PPP2R2D: variants seen among roughly 807,000 people sequenced by gnomAD.
The protein encoded by PPP2R2D is serine/threonine-protein phosphatase 2A 55 kDa regulatory subunit B delta isoform.
In PPP2R2D, 9 loss-of-function variants were observed where a neutral mutation model predicts 31.1. That is an observed-to-expected ratio of 0.29 (90% CI 0.17 to 0.51). The LOEUF (loss-of-function observed/expected upper bound fraction) is 0.51, where lower values mean the gene tolerates loss of function less well. Ranked by LOEUF, PPP2R2D falls within the 20% of genes least tolerant of loss-of-function variation. PPP2R2D has a pLI of 0.98. For missense variants in PPP2R2D, 391 were observed against 465.6 expected (o/e 0.84, Z 1.48); for synonymous variants, 179 against 172.6 (o/e 1.04, Z -0.29).
chr10:131,965,745 C>T, the PPP2R2D span, among the ~76,000 whole-genome samples: 1 of 152,148 alleles, frequency 6.6e-6, no homozygotes, highest in Non-Finnish European at 1.5e-5. Context: ...AGCGCCTGGC[C>T]GGGGGCTGTC....
At chr10:131,971,249 C>T in the PPP2R2D span, 1 of 445,914 alleles carries the variant, frequency 2.2e-6, no homozygotes, top group African/African-American at 2.0e-5. Context: ...CTGTGAGATT[C>T]TGGGGGTACT....
chr10:131,953,096 G>A (rs1280874779), intron 8 of PPP2R2D, among the ~76,000 whole-genome samples: 12 of 128,056 alleles, frequency 9.4e-5, no homozygotes, highest in Non-Finnish European at 1.6e-4. Flanking sequence ...CACTGTCTTA[G>A]CAGTGACTTG....
chr10:131,926,309 G>A (rs573687428), intron 2 of PPP2R2D, among the ~76,000 whole-genome samples: 2 of 152,122 alleles, frequency 1.3e-5, no homozygotes, highest in South Asian at 4.2e-4. Context: ...TTTGCCTTTG[G>A]GTGAGCTTCT....
At chr10:131,943,319 T>C (rs561061705) in intron 5 of PPP2R2D, among the ~76,000 whole-genome samples, 3 of 152,264 alleles carry the variant, frequency 2.0e-5, no homozygotes, top group Non-Finnish European at 2.9e-5. Flanking sequence ...CCTTCTACTT[T>C]TTGTTTTAAC....
chr10:131,939,646 A>G (rs2036405638), intron 3 of PPP2R2D: 1 of 155,836 alleles, frequency 6.4e-6, no homozygotes, highest in South Asian at 2.0e-4. Context: ...TGCATTCAGC[A>G]GACCTGCTCC....
the PPP2R2D span, chr10:131,970,824 C>CT: frequency 2.5e-6 from 4 of 1,614,252 alleles, no homozygotes; most frequent in Non-Finnish European, 3.4e-6. The surrounding 1 kb of genome is among the most constrained non-coding windows in gnomAD (Gnocchi z 4.1). Context: ...GATGTGTCCT[C>CT]TGTCAAGGGG....
At chr10:131,967,879 AGG>A in the PPP2R2D span, 1 of 152,290 alleles carries the variant, frequency 6.6e-6, no homozygotes, top group African/African-American at 2.4e-5. Flanking sequence ...CTGATCATCC[AGG>A]GTGATCACCT....
rs200497016 is a variant in PPP2R2D at position 131,918,470 on chromosome 10, GTGTT to G, written c.101-15984_101-15981del. On this transcript the variant is annotated intron_variant, in intron 2 of 8. Coordinates refer to ENST00000455566, the MANE Select transcript of PPP2R2D (RefSeq NM_018461.5). ...GACCTCACACGGGTGGAGTGACACA[GTGTT>G]TGTAGGGACCTCAGGCGGGTGGAAT... Among the ~76,000 whole-genome samples the G allele has an allele frequency of 2.1e-4, 32 of 150,282 alleles. 1 individual carries two copies. The highest frequency in any genetic ancestry group is 3.2e-4 in the African/African-American group (13 of 40,800).
chr10:131,912,241 G>C (rs1171754114), intron 2 of PPP2R2D: 1 of 152,124 alleles, frequency 6.6e-6, no homozygotes, highest in Non-Finnish European at 1.5e-5. Flanking sequence ...ACCCAGGCTG[G>C]AGTGCAGTGG....
At chr10:131,932,154 A>G (rs1229547455) in intron 2 of PPP2R2D, among the ~76,000 whole-genome samples, 1 of 152,060 alleles carries the variant, frequency 6.6e-6, no homozygotes, top group African/African-American at 2.4e-5. Context: ...TGCGGATTTG[A>G]TGGGACCCGG....
chr10:131,919,337 G>A lies in PPP2R2D; in HGVS notation c.101-15121G>A, dbSNP rs1166569105. 3.4e-5 allele frequency among the ~76,000 whole-genome samples: 4 copies of A among 117,118 alleles called. 1 individual carries two copies. The highest frequency in any genetic ancestry group is 1.0e-4 in the African/African-American group (3 of 29,548). The allele number at this position is 117,118 out of a possible 152,430, so 76.8% of individuals were successfully genotyped here. Reference sequence around the variant, plus strand: ...CACAGTCTTTGTAGGGACCTCAGGCGGGTGGAATGACAGTGTAGGGACCTC... The same window carrying A: ...CACAGTCTTTGTAGGGACCTCAGGCAGGTGGAATGACAGTGTAGGGACCTC... On this transcript the variant is annotated intron_variant, in intron 2 of 8. Transcript: ENST00000455566.
intron 2 of PPP2R2D, among the ~76,000 whole-genome samples, chr10:131,913,035 T>C (rs1287738151): frequency 6.6e-6 from 1 of 152,206 alleles, no homozygotes; most frequent in Non-Finnish European, 1.5e-5. Context: ...GTGTGTTTGT[T>C]TTTTTGAGAT....
In PPP2R2D at chr10:131,944,081, A is replaced by G. The variant is rs781934478; in HGVS notation, c.591A>G (p.Thr197=). 3 of 1,611,564 alleles carry G rather than the reference A, an allele frequency of 1.9e-6. No individual in the cohort carries two copies. Among genetic ancestry groups the G allele is most frequent in the South Asian group, 1.1e-5 (1 of 90,802 alleles). ...TTTCAGTAAATAGTGATCATGAAAC[A>G]TATCTTTCTGCAGATGACCTGAGAA... ...NSISVNSDHE[T]YLSADDLRIN... The change falls in exon 6 of 9, where the codon ACA becomes ACG. Residue 197 remains threonine, a synonymous_variant. Transcript: ENST00000455566.
At chr10:131,924,675 A>G (rs2036065844) in intron 2 of PPP2R2D, among the ~76,000 whole-genome samples, 1 of 151,634 alleles carries the variant, frequency 6.6e-6, no homozygotes, top group African/African-American at 2.4e-5. Flanking sequence ...ATGATTCTAG[A>G]ATTAGTTTGG....
chr10:131,953,298 C>T (rs1554899331), intron 8 of PPP2R2D, among the ~76,000 whole-genome samples: 18 of 106,340 alleles, frequency 1.7e-4, no homozygotes, highest in Admixed American at 3.7e-4. Context: ...CGGGGGTTCA[C>T]TGTCTTAGTG....
intron 2 of PPP2R2D, among the ~76,000 whole-genome samples, chr10:131,903,103 A>G (rs1289317707): frequency 6.6e-6 from 1 of 152,210 alleles, no homozygotes; most frequent in African/African-American, 2.4e-5. Context: ...ATGAATTAAA[A>G]TTTAAGTATA....
chr10:131,956,438 A>T lies in PPP2R2D; in HGVS notation c.*475A>T, dbSNP rs2120054543. The T allele has an allele frequency of 1.0e-6, 1 of 985,528 alleles. No homozygotes were observed. Among genetic ancestry groups the T allele is most frequent in the Non-Finnish European group, 1.2e-6 (1 of 830,142 alleles). The allele number at this position is 985,528 out of a possible 1,614,324, so 61.0% of individuals were successfully genotyped here. A position where few individuals can be genotyped will look rare whatever the true frequency, so the allele number is the denominator to read the frequency against. On this transcript the variant is annotated 3_prime_UTR_variant, in exon 9 of 9. Coordinates refer to ENST00000455566, the MANE Select transcript of PPP2R2D (RefSeq NM_018461.5). ...CCAGGTGGACTCTGTGGATGTGTGGATGTGGCCCGAGCAGGCTCAGGCGGC... is the reference window on the plus strand; with the variant it reads ...CCAGGTGGACTCTGTGGATGTGTGGTTGTGGCCCGAGCAGGCTCAGGCGGC...
At chr10:131,901,605 C>T (rs1420426979) in intron 2 of PPP2R2D, among the ~76,000 whole-genome samples, 3 of 152,182 alleles carry the variant, frequency 2.0e-5, no homozygotes, top group Non-Finnish European at 4.4e-5. Context: ...CCGAACCCAG[C>T]GCCTGGGGCT....
At chr10:131,916,990 C>T (rs1688466519) in intron 2 of PPP2R2D, among the ~76,000 whole-genome samples, 1 of 144,576 alleles carries the variant, frequency 6.9e-6, no homozygotes, top group Non-Finnish European at 1.5e-5. Flanking sequence ...GTAGGGACCT[C>T]AGGTGGGTGG....
Sources: gnomAD v4.1 joint callset for allele counts (sites outside exome capture counted in the v4.1 genomes callset) on GRCh38, gnomAD v4.1.1 for gene constraint, Gnocchi (gnomAD v3.1) non-coding constraint, MANE v1.5 for transcripts, NCBI Gene and HGNC (gene_info 2026-07-23, HGNC 2026-07-21) for gene names.